Variants in MGMT observed in about 807,000 individuals in gnomAD.
MGMT encodes methylated-DNA--protein-cysteine methyltransferase.
MGMT carries 14 observed loss-of-function variants against 15.9 expected under a neutral mutation model. That is an observed-to-expected ratio of 0.88 (90% CI 0.58 to 1.37). MGMT has a LOEUF of 1.37. MGMT is among the 40% of genes most tolerant of loss of function. The probability of loss-of-function intolerance (pLI) is 0.00; values close to 1 mark genes in which losing one functional copy is unlikely to be tolerated. For synonymous variants in MGMT, 130 were observed against 118.2 expected, an observed-to-expected ratio of 1.10 and a Z score of -0.65; for missense variants, 282 against 268.1, an observed-to-expected ratio of 1.05 and a Z score of -0.36.
rs749553005 is a variant in MGMT, at chr10:129,708,023, ACCATC to A, written c.257_261del (p.His86ArgfsTer85). The A allele has an allele frequency of 1.3e-5, 21 of 1,612,692 alleles. No homozygotes were observed. Among genetic ancestry groups the A allele is most frequent in the Non-Finnish European group, 1.8e-5 (21 of 1,179,520 alleles). On this transcript the variant is annotated frameshift_variant, in exon 3 of 5. Coordinates refer to ENST00000651593, the MANE Select transcript of MGMT (RefSeq NM_002412.5). LOFTEE classifies it high-confidence loss of function. Reference sequence around the variant, plus strand: ...GAAGAGTTCCCCGTGCCGGCTCTTCACCATCCCGTTTTCCAGCAAGGTCGGTAACT... The same window carrying A: ...GAAGAGTTCCCCGTGCCGGCTCTTCACCGTTTTCCAGCAAGGTCGGTAACT...
chr10:129,564,337 C>G (rs1446794497), intron 2 of MGMT, among the ~76,000 whole-genome samples: 13 of 46,116 alleles, frequency 2.8e-4, no homozygotes, highest in African/African-American at 8.8e-4. Context: ...CTTTCCTCCC[C>G]CTCTTTCCTC....
At chr10:129,496,942 C>G (rs891879890) in intron 1 of MGMT, among the ~76,000 whole-genome samples, 1 of 152,080 alleles carries the variant, frequency 6.6e-6, no homozygotes, top group South Asian at 2.1e-4. Flanking sequence ...ATCCGCCTAC[C>G]TCAGCCTCCC....
rs561978681 is a variant in MGMT, at chr10:129,720,382, G to A, written c.274+12339G>A. Among the ~76,000 whole-genome samples, 37 of 152,262 alleles carry A rather than the reference G, an allele frequency of 2.4e-4. No homozygotes were observed. The South Asian group carries it at 6.6e-3, about 27-fold the overall frequency. On this transcript the variant is annotated intron_variant, in intron 3 of 4. Transcript: ENST00000651593. Reference sequence around the variant, plus strand: ...CACTGGGGTCTGGGGAGCCAGCCTCGGCCCCTCCTGGCTCAGCACAGCCCT... The same window carrying A: ...CACTGGGGTCTGGGGAGCCAGCCTCAGCCCCTCCTGGCTCAGCACAGCCCT...
intron 2 of MGMT, among the ~76,000 whole-genome samples, chr10:129,544,852 G>A (rs1846082420): frequency 6.6e-6 from 1 of 152,214 alleles, no homozygotes; most frequent in African/African-American, 2.4e-5. Context: ...CCAAGTGTGG[G>A]ATTTCTGACA....
chr10:129,686,449 A>G (rs1449058206), intron 2 of MGMT, among the ~76,000 whole-genome samples: 1 of 151,900 alleles, frequency 6.6e-6, no homozygotes, highest in Admixed American at 6.6e-5. Flanking sequence ...ATCTCCTCTC[A>G]CTGCAACCTC....
chr10:129,504,698 G>A (rs1029362392), intron 1 of MGMT, among the ~76,000 whole-genome samples: 23 of 152,226 alleles, frequency 1.5e-4, no homozygotes, highest in African/African-American at 5.5e-4. Context: ...ATTGTGATTA[G>A]ATCAGGAGCT....
chr10:129,472,605 C>T (rs1476643393), intron 1 of MGMT, among the ~76,000 whole-genome samples: 1 of 152,182 alleles, frequency 6.6e-6, no homozygotes, highest in East Asian at 1.9e-4. Context: ...ACCTGCTTTA[C>T]AAGTTACAAT....
chr10:129,535,556 G>A (rs1020111147), intron 1 of MGMT, among the ~76,000 whole-genome samples: 4 of 152,108 alleles, frequency 2.6e-5, no homozygotes, highest in Non-Finnish European at 4.4e-5. Flanking sequence ...GTCTTGCTAC[G>A]TTGCCCAGTC....
chr10:129,735,202 T>TG (rs1700694592), intron 3 of MGMT, among the ~76,000 whole-genome samples: 1 of 152,202 alleles, frequency 6.6e-6, no homozygotes, highest in South Asian at 2.1e-4. Context: ...GGACTCTTTT[T>TG]GTTGATAAGC....
intron 2 of MGMT, among the ~76,000 whole-genome samples, chr10:129,571,356 A>G (rs1413108326): frequency 2.6e-5 from 4 of 152,226 alleles, no homozygotes; most frequent in Non-Finnish European, 5.9e-5. Flanking sequence ...ATATGAATTC[A>G]TTATAATTGA....
intron 2 of MGMT, among the ~76,000 whole-genome samples, chr10:129,665,288 ACTCT>A (rs948434147): frequency 4.0e-4 from 49 of 122,118 alleles, no homozygotes; most frequent in Non-Finnish European, 7.8e-4. Context: ...CCCTCTCCCA[ACTCT>A]CTCTCTCCCA....
chr10:129,558,123 G>A (rs1376054667), intron 2 of MGMT, among the ~76,000 whole-genome samples: 9 of 152,222 alleles, frequency 5.9e-5, no homozygotes, highest in Non-Finnish European at 1.3e-4. Context: ...CCGGGGTCAG[G>A]TGTGGATGGG....
intron 1 of MGMT, among the ~76,000 whole-genome samples, chr10:129,496,290 A>T (rs1221618486): frequency 6.6e-6 from 1 of 152,102 alleles, no homozygotes; most frequent in Non-Finnish European, 1.5e-5. Context: ...AGCTGGTCCG[A>T]TTCTTGCCTG....
intron 1 of MGMT, among the ~76,000 whole-genome samples, chr10:129,477,663 A>G (rs1192489318): frequency 6.6e-6 from 1 of 152,202 alleles, no homozygotes; most frequent in Non-Finnish European, 1.5e-5. Context: ...AGGAGCCCTC[A>G]CTGGAAACGG....
At chr10:129,604,224 T>C (rs1385266414) in intron 2 of MGMT, among the ~76,000 whole-genome samples, 2 of 152,200 alleles carry the variant, frequency 1.3e-5, no homozygotes, top group Non-Finnish European at 2.9e-5. Flanking sequence ...GCCGGGGCCT[T>C]TGGAGAGCAC....
At chr10:129,683,664 A>G (rs1378705016) in intron 2 of MGMT, among the ~76,000 whole-genome samples, 1 of 152,196 alleles carries the variant, frequency 6.6e-6, no homozygotes, top group Non-Finnish European at 1.5e-5. Flanking sequence ...TTCACAGTAC[A>G]TGTGAACACT....
intron 2 of MGMT, among the ~76,000 whole-genome samples, chr10:129,582,713 C>G (rs1043557389): frequency 8.6e-5 from 13 of 151,970 alleles, no homozygotes; most frequent in African/African-American, 2.9e-4. Context: ...GGCAGTTTCC[C>G]CCTTCGGATA....
At chr10:129,510,716 G>A (rs1845672272) in intron 1 of MGMT, among the ~76,000 whole-genome samples, 1 of 152,196 alleles carries the variant, frequency 6.6e-6, no homozygotes, top group Non-Finnish European at 1.5e-5. Context: ...GAAAATAAAT[G>A]AAACCAGTAT....
intron 1 of MGMT, among the ~76,000 whole-genome samples, chr10:129,469,165 A>G (rs1423348328): frequency 6.6e-6 from 1 of 152,118 alleles, no homozygotes; most frequent in Non-Finnish European, 1.5e-5. Flanking sequence ...AGGGCCTGAA[A>G]AAGAACTTGC....
Sources: gnomAD v4.1 joint callset for allele counts (sites outside exome capture counted in the v4.1 genomes callset) on GRCh38, gnomAD v4.1.1 for gene constraint, MANE v1.5 for transcripts, NCBI Gene and HGNC (gene_info 2026-07-23, HGNC 2026-07-21) for gene names.